The following TP53BP1 variants were observed in gnomAD, a reference collection of about 807,000 sequenced individuals.
The protein encoded by TP53BP1 is tumor protein p53 binding protein 1, also known as TP53-binding protein 1.
In TP53BP1, 61 loss-of-function variants were observed where a neutral mutation model predicts 200.8. The ratio of observed to expected loss-of-function variants is 0.30; its 90% CI spans 0.25 to 0.38. The LOEUF (loss-of-function observed/expected upper bound fraction) is 0.38. TP53BP1 is among the 10% of genes least tolerant of loss of function. The probability of loss-of-function intolerance (pLI) is 1.00; values close to 1 mark genes in which losing one functional copy is unlikely to be tolerated. For missense variants in TP53BP1, 2,144 were observed against 2,371.9 expected (o/e 0.90, Z 2.00); for synonymous variants, 822 against 844.3 (o/e 0.97, Z 0.46).
chr15:43,416,682 T>C (rs779712763), intron 21 of TP53BP1: 4 of 304,136 alleles, frequency 1.3e-5, no homozygotes, highest in African/African-American at 2.2e-5. Flanking sequence ...AAGACAGCCA[T>C]TGTGGATTGC....
chr15:43,409,779 GTGGTTTT>G, intron 24 of TP53BP1, 38 bp from the exon 25 acceptor site: 2 of 1,107,374 alleles, frequency 1.8e-6, no homozygotes, highest in Non-Finnish European at 2.6e-6. Flanking sequence ...TAATTACTGA[GTGGTTTT>G]CTTATTTGCT....
At chr15:43,490,791 G>A (rs1385060789) in intron 4 of TP53BP1, among the ~76,000 whole-genome samples, 2 of 152,114 alleles carry the variant, frequency 1.3e-5, no homozygotes, top group Non-Finnish European at 2.9e-5. Flanking sequence ...TAATTTCTTT[G>A]TCCATCAATT....
In TP53BP1 at chr15:43,403,893, A is replaced by G; in HGVS notation, c.*3490T>C. The G allele has an allele frequency of 1.2e-6, 1 of 846,240 alleles. No individual in the cohort carries two copies. Among genetic ancestry groups the G allele is most frequent in the Admixed American group, 1.8e-5 (1 of 54,608 alleles). 52.4% of individuals were successfully genotyped at this position (846,240 alleles called of 1,614,324 possible). ...GATCTTTCCTCTGAGTCAGTAAAGC[A>G]TTTCCTCAATACACACACGTACAGA... On this transcript the variant is annotated 3_prime_UTR_variant, in exon 28 of 28. Coordinates refer to ENST00000382044, the MANE Select transcript of TP53BP1 (RefSeq NM_001141980.3).
chr15:43,451,851 T>A (rs2046178472), intron 12 of TP53BP1, among the ~76,000 whole-genome samples: 1 of 152,164 alleles, frequency 6.6e-6, no homozygotes, highest in Non-Finnish European at 1.5e-5. Flanking sequence ...TCATTTAAAT[T>A]TGGCCAGGCC....
chr15:43,473,470 T>A (rs2046776948), intron 10 of TP53BP1, among the ~76,000 whole-genome samples: 2 of 151,066 alleles, frequency 1.3e-5, no homozygotes, highest in Non-Finnish European at 2.9e-5. Context: ...CCCACCAGAG[T>A]AGCTAGATAC....
intron 1 of TP53BP1, among the ~76,000 whole-genome samples, chr15:43,492,796 T>G (rs1465109774): frequency 1.4e-5 from 1 of 70,350 alleles, no homozygotes; most frequent in East Asian, 4.4e-4. Flanking sequence ...CGCCTCTACC[T>G]CCCCCCAAAA....
chr15:43,491,505 A>G (rs1265647634), intron 4 of TP53BP1, among the ~76,000 whole-genome samples, 164 bp downstream of exon 4: 3 of 152,236 alleles, frequency 2.0e-5, no homozygotes, highest in Non-Finnish European at 4.4e-5. Context: ...AACAGTTTCC[A>G]GCTATCAGTA....
chr15:43,423,921 T>C (rs1480941528), intron 18 of TP53BP1, among the ~76,000 whole-genome samples: 1 of 152,178 alleles, frequency 6.6e-6, no homozygotes, highest in Non-Finnish European at 1.5e-5. Context: ...TTTATTCCTT[T>C]TCTCACTCTC....
chr15:43,508,389 GGCTCAC>G (rs1440475680), intron 1 of TP53BP1, among the ~76,000 whole-genome samples: 1 of 152,138 alleles, frequency 6.6e-6, no homozygotes, highest in Non-Finnish European at 1.5e-5. Flanking sequence ...TGGGAACAGT[GGCTCAC>G]GCTTGTAATC....
At chr15:43,492,176 C>T in intron 2 of TP53BP1, 81 bp from the exon 3 acceptor site, 1 of 1,504,554 alleles carries the variant, frequency 6.6e-7, no homozygotes, top group Non-Finnish European at 9.2e-7. Context: ...ACAATTTTTC[C>T]AATCAACTTT....
At chr15:43,412,337 A>G (rs1423979727) in intron 24 of TP53BP1, among the ~76,000 whole-genome samples, 1 of 152,214 alleles carries the variant, frequency 6.6e-6, no homozygotes, top group Non-Finnish European at 1.5e-5. Flanking sequence ...GCAAGACAAC[A>G]TTAGTCAGAA....
At chr15:43,428,209 C>T (rs371850839) in intron 17 of TP53BP1, 41 bp from the exon 18 acceptor site, 1 of 1,575,736 alleles carries the variant, frequency 6.3e-7, no homozygotes, top group African/African-American at 1.4e-5. Flanking sequence ...GGTCTCACTG[C>T]AAGCTGTCAA....
At chr15:43,434,077 C>G (rs865906847) in intron 16 of TP53BP1, among the ~76,000 whole-genome samples, 1 of 152,112 alleles carries the variant, frequency 6.6e-6, no homozygotes, top group Non-Finnish European at 1.5e-5. Flanking sequence ...CCAAGAAGAG[C>G]TTAGTATAAA....
intron 1 of TP53BP1, among the ~76,000 whole-genome samples, chr15:43,503,553 G>T (rs1344385956): frequency 6.6e-6 from 1 of 152,182 alleles, no homozygotes; most frequent in African/African-American, 2.4e-5. Flanking sequence ...CAGCTACTCG[G>T]GAGGCTGAGG....
chr15:43,504,249 G>C (rs536209194), intron 1 of TP53BP1, among the ~76,000 whole-genome samples: 1 of 152,284 alleles, frequency 6.6e-6, no homozygotes, highest in Admixed American at 6.5e-5. Flanking sequence ...TTTGCCTCAA[G>C]TGATCCTCCT....
intron 12 of TP53BP1, among the ~76,000 whole-genome samples, chr15:43,450,413 A>G (rs942868186): frequency 4.6e-5 from 7 of 152,210 alleles, no homozygotes; most frequent in African/African-American, 7.2e-5. Flanking sequence ...GTCTACCCCA[A>G]AAGTCTGCCT....
At chr15:43,442,333 G>A (rs982528776) in intron 14 of TP53BP1, among the ~76,000 whole-genome samples, 13 of 151,832 alleles carry the variant, frequency 8.6e-5, no homozygotes, top group East Asian at 3.9e-4. Flanking sequence ...TGATCCGCCC[G>A]CCTCGGTCTC....
intron 4 of TP53BP1, among the ~76,000 whole-genome samples, chr15:43,484,871 CT>C (rs1333055297): frequency 6.6e-6 from 1 of 152,134 alleles, no homozygotes; most frequent in Non-Finnish European, 1.5e-5. Context: ...CCACCTCAGC[CT>C]CCCATGTAGC....
upstream of TP53BP1, among the ~76,000 whole-genome samples, chr15:43,496,728 A>G (rs1249231774): frequency 6.7e-6 from 1 of 149,490 alleles, no homozygotes; most frequent in African/African-American, 2.5e-5. Context: ...GGTTCAACTG[A>G]TTCTCCTGCC....
Sources: allele counts gnomAD v4.1 joint callset (sites outside exome capture counted in the v4.1 genomes callset), GRCh38; gene constraint gnomAD v4.1.1; transcripts MANE v1.5; gene names NCBI Gene and HGNC (gene_info 2026-07-23, HGNC 2026-07-21).